PRR12: variants seen among roughly 807,000 people sequenced by gnomAD.
The protein encoded by PRR12 is proline rich 12, also known as proline-rich protein 12.
In PRR12, 12 loss-of-function variants were observed where a neutral mutation model predicts 138.0. The observed-to-expected ratio is 0.09, with a 90% CI of 0.06 to 0.14. The LOEUF (loss-of-function observed/expected upper bound fraction) is 0.14. PRR12 is among the 10% of genes least tolerant of loss of function. PRR12 has a pLI of 1.00. For missense variants in PRR12, 2,692 were observed against 2,861.3 expected (o/e 0.94, Z 1.35); for synonymous variants, 1,567 against 1,291.7 (o/e 1.21, Z -4.57).
intron 11 of PRR12, among the ~76,000 whole-genome samples, chr19:49,622,601 A>AG (rs1259441246): frequency 2.1e-5 from 3 of 146,014 alleles, no homozygotes; most frequent in Non-Finnish European, 3.0e-5. Context: ...AAAAAAGAAA[A>AG]AAAAAACAGG....
chr19:49,601,865 T>C lies in PRR12; in HGVS notation c.4720T>C (p.Phe1574Leu). ...CGGCGAGAGTGGCGGAGAGGGCATCTTCCGGGAACGGGACGAGTTCGTCAT... is the reference window on the plus strand; with the variant it reads ...CGGCGAGAGTGGCGGAGAGGGCATCCTCCGGGAACGGGACGAGTTCGTCAT... ...EAGESGGEGI[F>L]RERDEFVIRA... Residue 1574 changes from phenylalanine (F) to leucine (L), a missense_variant, in exon 6 of 14, where the codon TTC becomes CTC. By Grantham distance (22) the Phe-to-Leu change is conservative. Transcript: ENST00000418929. 6.2e-7 allele frequency: 1 copy of C among 1,612,654 alleles called. No individual in the cohort carries two copies. The highest frequency in any genetic ancestry group is 8.5e-7 in the Non-Finnish European group (1 of 1,179,846).
At chr19:49,620,256 T>G in intron 9 of PRR12, 96 bp from the exon 10 acceptor site, 1 of 1,520,826 alleles carries the variant, frequency 6.6e-7, no homozygotes, top group East Asian at 2.4e-5. Flanking sequence ...AAGCAGGGAT[T>G]TCTCTTCCGG....
chr19:49,605,323 TGC>T, intron 6 of PRR12, among the ~76,000 whole-genome samples: 4 of 151,822 alleles, frequency 2.6e-5, no homozygotes, highest in African/African-American at 9.7e-5. Context: ...AGTACAATGG[TGC>T]GATCTCGGCT....
In PRR12 at chr19:49,597,910, C is replaced by G. The variant is rs1478721095; in HGVS notation, c.3575C>G (p.Thr1192Arg). The G allele has an allele frequency of 1.4e-6, 2 of 1,408,386 alleles. No individual in the cohort carries two copies. The highest frequency in any genetic ancestry group is 9.2e-7 in the Non-Finnish European group (1 of 1,085,374). The allele number at this position is 1,408,386 out of a possible 1,614,324, so 87.2% of individuals were successfully genotyped here. A position where few individuals can be genotyped will look rare whatever the true frequency, so the allele number is the denominator to read the frequency against. The change falls in exon 4 of 14, where the codon ACG (threonine) becomes AGG (arginine). Residue 1192 changes from threonine to arginine, a missense_variant. Physicochemically the swap from Thr to Arg is moderately conservative, Grantham distance 71. Coordinates refer to ENST00000418929, the MANE Select transcript of PRR12 (RefSeq NM_020719.3). The surrounding 1 kb of genome is among the most constrained non-coding windows in gnomAD (Gnocchi z 6.3). ...PTTAGPASAS[T>R]PTDGAKKPRG... ...ACTGCGGGGCCCGCCTCGGCCTCCA[C>G]GCCCACCGATGGCGCCAAGAAACCC...
Position 49,599,562 on chromosome 19 carries a change from G to A in PRR12, c.3969G>A (p.Gln1323=). ...CCTCTGTGCCAGCCCGAGGCCTGCA[G>A]CCCCAGCCCCCTGCCACCCCTGCTG... The part of the protein sequence containing the change: ...VPPSVPARGL[Q]PQPPATPAVP... Residue 1323 remains glutamine, a synonymous_variant, in exon 5 of 14, where the codon CAG becomes CAA. Transcript: ENST00000418929. This position sits in a 1 kb window ranked among gnomAD's most constrained non-coding sequence, Gnocchi z 5.0. 6.3e-7 allele frequency: 1 copy of A among 1,594,684 alleles called. No individual in the cohort carries two copies. Among genetic ancestry groups the A allele is most frequent in the Non-Finnish European group, 8.5e-7 (1 of 1,170,888 alleles).
In PRR12 at chr19:49,625,671, C is replaced by T. The variant is rs2080951296; in HGVS notation, c.*64C>T. ...ACCGAGAATTGGGACAGAACCGTGT[C>T]CTCAGGAGCTAACACCTGGGCTCCA... On this transcript the variant is annotated 3_prime_UTR_variant, in exon 14 of 14. Transcript: ENST00000418929. This position sits in a 1 kb window ranked among gnomAD's most constrained non-coding sequence, Gnocchi z 5.5. 3.9e-6 allele frequency: 6 copies of T among 1,519,234 alleles called. No homozygotes were observed. Among genetic ancestry groups the T allele is most frequent in the Admixed American group, 3.9e-5 (2 of 51,078 alleles). The allele number at this position is 1,519,234 out of a possible 1,614,324, so 94.1% of individuals were successfully genotyped here. A position where few individuals can be genotyped will look rare whatever the true frequency, so the allele number is the denominator to read the frequency against.
intron 6 of PRR12, among the ~76,000 whole-genome samples, chr19:49,606,537 C>T (rs931433439): frequency 2.6e-5 from 4 of 151,116 alleles, no homozygotes; most frequent in Middle Eastern, 3.4e-3. Context: ...CTCCTGACCT[C>T]GTGATTTGCG....
chr19:49,591,617 T>TCCCTCC lies in PRR12; in HGVS notation c.-28_-23dup, dbSNP rs766566712. 175 of 122,434 alleles carry TCCCTCC rather than the reference T, an allele frequency of 1.4e-3. No individual in the cohort carries two copies. The highest frequency in any genetic ancestry group is 2.5e-3 in the Admixed American group (15 of 6,074). The allele number at this position is 122,434 out of a possible 1,614,324, so 7.6% of individuals were successfully genotyped here. A position where few individuals can be genotyped will look rare whatever the true frequency, so the allele number is the denominator to read the frequency against. On this transcript the variant is annotated 5_prime_UTR_variant, in exon 1 of 14. Coordinates refer to ENST00000418929, the MANE Select transcript of PRR12 (RefSeq NM_020719.3). Reference sequence around the variant, plus strand: ...CGCGCGCGCCCCCTCCCTCCCTCCCTCCCTCCCCCTCCCCCCAATTTCCAC... The same window carrying TCCCTCC: ...CGCGCGCGCCCCCTCCCTCCCTCCCTCCCTCCCCCTCCCCCTCCCCCCAATTTCCAC...
At chr19:49,604,721 C>T (rs1298686605) in intron 6 of PRR12, among the ~76,000 whole-genome samples, 1 of 152,014 alleles carries the variant, frequency 6.6e-6, no homozygotes. Flanking sequence ...GTTAAATGAC[C>T]GTCACCACCA....
intron 6 of PRR12, among the ~76,000 whole-genome samples, chr19:49,606,874 C>CT (rs1388358469): frequency 2.0e-5 from 3 of 151,964 alleles, no homozygotes; most frequent in Non-Finnish European, 4.4e-5. Flanking sequence ...AGAAACCACT[C>CT]TTAAAGCCCC....
intron 6 of PRR12, among the ~76,000 whole-genome samples, chr19:49,604,965 ACTCAGCCT>A (rs1373219941): frequency 1.3e-5 from 2 of 151,652 alleles, no homozygotes; most frequent in African/African-American, 2.4e-5. Flanking sequence ...AATTCTCATA[ACTCAGCCT>A]CTCGAGTAGC....
At chr19:49,593,064 G>C (rs921178058) in intron 1 of PRR12, among the ~76,000 whole-genome samples, 1 of 152,084 alleles carries the variant, frequency 6.6e-6, no homozygotes, top group Non-Finnish European at 1.5e-5. Context: ...TGTTAGTCTC[G>C]TCTCTGAGCA....
At chr19:49,612,690 G>T (rs994637045) in intron 6 of PRR12, among the ~76,000 whole-genome samples, 1 of 151,862 alleles carries the variant, frequency 6.6e-6, no homozygotes, top group Admixed American at 6.6e-5. Context: ...TTTGAGACAG[G>T]GTCTTGCTCT....
intron 9 of PRR12, 86 bp from the exon 10 acceptor site, chr19:49,620,266 G>A: frequency 6.4e-7 from 1 of 1,552,116 alleles, no homozygotes; most frequent in Non-Finnish European, 8.8e-7. Flanking sequence ...TTCTCTTCCG[G>A]TCCCCAGTGT....
chr19:49,595,768 G>A lies in PRR12; in HGVS notation c.1433G>A (p.Gly478Asp). 6.3e-7 allele frequency: 1 copy of A among 1,597,778 alleles called. No individual in the cohort carries two copies. Among genetic ancestry groups the A allele is most frequent in the Non-Finnish European group, 8.5e-7 (1 of 1,173,548 alleles). Residue 478 changes from glycine (G) to aspartate (D), a missense_variant, in exon 4 of 14, where the codon GGC (glycine) becomes GAC (aspartate). Gly to Asp is a moderately conservative substitution (Grantham distance 94). Coordinates refer to ENST00000418929, the MANE Select transcript of PRR12 (RefSeq NM_020719.3). Reference sequence around the variant, plus strand: ...AGCAAAGCCCCCAGCTACTCAGGGGGCCCCCCACAGCCCCCCAGCGGCCCC... The same window carrying A: ...AGCAAAGCCCCCAGCTACTCAGGGGACCCCCCACAGCCCCCCAGCGGCCCC... ...DLSKAPSYSG[G>D]PPQPPSGPPP...
In PRR12 at chr19:49,595,798, C is replaced by T. The variant is rs2080763795; in HGVS notation, c.1463C>T (p.Pro488Leu). 1 of 1,599,106 alleles carries T rather than the reference C, an allele frequency of 6.3e-7. No homozygotes were observed. The highest frequency in any genetic ancestry group is 1.1e-5 in the South Asian group (1 of 90,052). ...CCACAGCCCCCCAGCGGCCCCCCTC[C>T]TCCTGGCCTGGCCACATGTCAGAGC... ...GPPQPPSGPP[P>L]PGLATCQSYS... The change falls in exon 4 of 14, where the codon CCT (proline) becomes CTT (leucine). Residue 488 changes from proline (P) to leucine (L), a missense_variant. This residue lies in a region of PRR12 where 523 missense variants were observed against 496.4 expected (regional missense o/e 1.05). Coordinates refer to ENST00000418929, the MANE Select transcript of PRR12 (RefSeq NM_020719.3).
In PRR12 at chr19:49,625,717, T is replaced by C. The variant is rs1003037992; in HGVS notation, c.*110T>C. 3.6e-6 allele frequency: 5 copies of C among 1,395,262 alleles called. No individual in the cohort carries two copies. The African/African-American group carries it at 5.7e-5, about 16-fold the overall frequency. 86.4% of individuals were successfully genotyped at this position (1,395,262 alleles called of 1,614,324 possible). On this transcript the variant is annotated 3_prime_UTR_variant, in exon 14 of 14. Transcript: ENST00000418929. This position sits in a 1 kb window ranked among gnomAD's most constrained non-coding sequence, Gnocchi z 5.5. ...CTCCATCGCCGGGGAAAGGGGGTCATGGGTCAGGGTGTGTCTGTGCTGCCC... is the reference window on the plus strand; with the variant it reads ...CTCCATCGCCGGGGAAAGGGGGTCACGGGTCAGGGTGTGTCTGTGCTGCCC...
In PRR12 at chr19:49,599,508, T is replaced by C. The variant is rs2080797241; in HGVS notation, c.3915T>C (p.Pro1305=). The change falls in exon 5 of 14, where the codon CCT becomes CCC. Residue 1305 remains proline (P), a synonymous_variant. Transcript: ENST00000418929. This position sits in a 1 kb window ranked among gnomAD's most constrained non-coding sequence, Gnocchi z 5.0. ...CACTCTACCAGGCGGGCCTGACGCC[T>C]CCGCTCAGCCCTCCCAAGAGTGTGC... The part of the protein sequence containing the change: ...HPPLYQAGLT[P]PLSPPKSVPP... 1 of 1,597,690 alleles carries C rather than the reference T, an allele frequency of 6.3e-7. No homozygotes were observed. The highest frequency in any genetic ancestry group is 8.5e-7 in the Non-Finnish European group (1 of 1,172,838).
At chr19:49,606,241 C>T (rs1385893332) in intron 6 of PRR12, among the ~76,000 whole-genome samples, 1 of 151,984 alleles carries the variant, frequency 6.6e-6, no homozygotes, top group East Asian at 1.9e-4. Context: ...TGGGCTCAAG[C>T]AGTCCTCCCG....
Sources: gnomAD v4.1 joint callset for allele counts (sites outside exome capture counted in the v4.1 genomes callset) on GRCh38, gnomAD v4.1.1 for gene constraint, gnomAD v4.1.1 regional missense constraint, Gnocchi (gnomAD v3.1) non-coding constraint, MANE v1.5 for transcripts, NCBI Gene and HGNC (gene_info 2026-07-23, HGNC 2026-07-21) for gene names.